TMEM132D: variants seen among roughly 807,000 people sequenced by gnomAD.
TMEM132D encodes the protein mature OL transmembrane protein.
In TMEM132D, 21 loss-of-function variants were observed where a neutral mutation model predicts 62.3. The ratio of observed to expected loss-of-function variants is 0.34; its 90% CI spans 0.24 to 0.49. The LOEUF is 0.49. Among genes scored for constraint, TMEM132D ranks in the 20% least tolerant of loss-of-function variants. TMEM132D has a pLI of 0.99. For missense variants in TMEM132D, 1,346 were observed against 1,402.8 expected (o/e 0.96, Z 0.65); for synonymous variants, 621 against 575.6 (o/e 1.08, Z -1.13).
intron 3 of TMEM132D, among the ~76,000 whole-genome samples, chr12:129,500,622 A>G (rs1283359596): frequency 2.0e-5 from 3 of 152,166 alleles, no homozygotes; most frequent in African/African-American, 7.2e-5. Context: ...GATAAACACA[A>G]CATGGTATTA....
At chr12:129,252,812 C>T (rs1228787934) in intron 4 of TMEM132D, among the ~76,000 whole-genome samples, 1 of 151,972 alleles carries the variant, frequency 6.6e-6, no homozygotes, top group Non-Finnish European at 1.5e-5. Flanking sequence ...CAACGATAGA[C>T]TGGATTAAGA....
chr12:129,710,856 G>A (rs771626672), intron 1 of TMEM132D, among the ~76,000 whole-genome samples: 7 of 147,860 alleles, frequency 4.7e-5, no homozygotes, highest in Non-Finnish European at 5.9e-5. Flanking sequence ...TAGTGCGCAC[G>A]CTGCCTCTCC....
At chr12:129,863,012 G>A (rs918260737) in intron 1 of TMEM132D, among the ~76,000 whole-genome samples, 1 of 152,174 alleles carries the variant, frequency 6.6e-6, no homozygotes, top group African/African-American at 2.4e-5. Flanking sequence ...GATGTAAATG[G>A]GAACTTAAGG....
intron 3 of TMEM132D, among the ~76,000 whole-genome samples, chr12:129,466,610 A>G (rs543643556): frequency 6.6e-6 from 1 of 152,242 alleles, no homozygotes; most frequent in South Asian, 2.1e-4. Flanking sequence ...TCATTAGCTC[A>G]TTCACTTAAC....
At chr12:129,144,937 C>A (rs908402130) in intron 5 of TMEM132D, among the ~76,000 whole-genome samples, 31 of 146,680 alleles carry the variant, frequency 2.1e-4, no homozygotes, top group Non-Finnish European at 4.1e-4. Context: ...TACCTATCAT[C>A]TAATCTATCT....
Position 129,074,100 on chromosome 12 carries a change from AATG to A in TMEM132D, c.3072_3074del (p.Ile1025del), listed in dbSNP as rs1565954445. 1.9e-6 allele frequency: 3 copies of A among 1,614,012 alleles called. No homozygotes were observed. The highest frequency in any genetic ancestry group is 2.5e-6 in the Non-Finnish European group (3 of 1,180,002). On this transcript the variant is annotated inframe_deletion, in exon 9 of 9. Transcript: ENST00000422113. The stretch of plus-strand genomic sequence containing the variant: ...GCTCACTTTTCTGATCTTTCCCATC[AATG>A]ATGATGGGTCCCAAAGGTTTGAACA...
intron 5 of TMEM132D, among the ~76,000 whole-genome samples, chr12:129,093,100 C>A (rs979264516): frequency 6.6e-6 from 1 of 152,168 alleles, no homozygotes; most frequent in Non-Finnish European, 1.5e-5. Flanking sequence ...CATGCTGGAC[C>A]AGTTTCAAAT....
chr12:129,617,396 G>A (rs1373172744), intron 2 of TMEM132D, among the ~76,000 whole-genome samples: 1 of 152,144 alleles, frequency 6.6e-6, no homozygotes, highest in East Asian at 1.9e-4. Context: ...TCACCTCCCT[G>A]TACCCCAGCT....
At chr12:129,419,231 C>T (rs919398500) in intron 3 of TMEM132D, among the ~76,000 whole-genome samples, 6 of 152,282 alleles carry the variant, frequency 3.9e-5, no homozygotes, top group Non-Finnish European at 7.4e-5. Flanking sequence ...AGGCTGTCTC[C>T]ATGTTCTTGG....
At chr12:129,524,397 C>T (rs551292529) in intron 3 of TMEM132D, among the ~76,000 whole-genome samples, 1 of 152,222 alleles carries the variant, frequency 6.6e-6, no homozygotes, top group Non-Finnish European at 1.5e-5. Context: ...TGCTACTATT[C>T]AAGATTTTCT....
intron 3 of TMEM132D, among the ~76,000 whole-genome samples, chr12:129,342,977 G>A (rs1593344484): frequency 6.6e-6 from 1 of 152,178 alleles, no homozygotes; most frequent in Admixed American, 6.5e-5. Context: ...CACTGTTGGT[G>A]GGACGGTAAA....
chr12:129,624,135 A>G (rs1743031954), intron 2 of TMEM132D, among the ~76,000 whole-genome samples: 1 of 152,150 alleles, frequency 6.6e-6, no homozygotes, highest in South Asian at 2.1e-4. Flanking sequence ...GAGACTACAT[A>G]AGTCTCTCTG....
chr12:129,619,668 C>A (rs914537606), intron 2 of TMEM132D, among the ~76,000 whole-genome samples: 10 of 152,176 alleles, frequency 6.6e-5, no homozygotes, highest in Non-Finnish European at 1.3e-4. Flanking sequence ...GAACTAAATT[C>A]TTTTAATGTC....
At chr12:129,453,507 A>C (rs1873368765) in intron 3 of TMEM132D, among the ~76,000 whole-genome samples, 1 of 152,218 alleles carries the variant, frequency 6.6e-6, no homozygotes, top group South Asian at 2.1e-4. Flanking sequence ...ACACTCTCTG[A>C]AGTCAAAAAA....
chr12:129,230,178 T>C (rs957269433), intron 4 of TMEM132D, among the ~76,000 whole-genome samples: 16 of 152,248 alleles, frequency 1.1e-4, no homozygotes, highest in African/African-American at 3.6e-4. Flanking sequence ...TATGCTTCCC[T>C]TTCCTGAGAA....
At chr12:129,577,871 C>T (rs1339108442) in intron 2 of TMEM132D, among the ~76,000 whole-genome samples, 1 of 152,116 alleles carries the variant, frequency 6.6e-6, no homozygotes, top group African/African-American at 2.4e-5. Flanking sequence ...CTAAGGGATA[C>T]TCAGATAGCT....
intron 2 of TMEM132D, among the ~76,000 whole-genome samples, chr12:129,626,282 C>T (rs1240019039): frequency 2.0e-5 from 3 of 152,066 alleles, no homozygotes; most frequent in East Asian, 1.9e-4. Flanking sequence ...GTTCGTGAAA[C>T]CCTTAATATC....
intron 2 of TMEM132D, among the ~76,000 whole-genome samples, chr12:129,590,570 T>A (rs1470155460): frequency 6.6e-6 from 1 of 152,240 alleles, no homozygotes; most frequent in Non-Finnish European, 1.5e-5. Context: ...TCTTTTTCAC[T>A]GGCTGTGTAA....
intron 1 of TMEM132D, among the ~76,000 whole-genome samples, chr12:129,882,051 A>G (rs1393569161): frequency 6.6e-6 from 1 of 152,100 alleles, no homozygotes; most frequent in Non-Finnish European, 1.5e-5. Context: ...TTCATTAAAA[A>G]GAAAACACTA....
Sources: gnomAD v4.1 joint callset for allele counts (sites outside exome capture counted in the v4.1 genomes callset) on GRCh38, gnomAD v4.1.1 for gene constraint, MANE v1.5 for transcripts, NCBI Gene and HGNC (gene_info 2026-07-23, HGNC 2026-07-21) for gene names.